GNB4: variants seen among roughly 807,000 people sequenced by gnomAD.
GNB4 encodes the protein G protein subunit beta 4.
In GNB4, 28 loss-of-function variants were observed where a neutral mutation model predicts 45.2. That is an observed-to-expected ratio of 0.62 (90% CI 0.46 to 0.85). GNB4 has a LOEUF of 0.85. Among genes scored for constraint, GNB4 ranks in the 40% least tolerant of loss-of-function variants. The probability of loss-of-function intolerance (pLI) is 0.00; values close to 1 mark genes in which losing one functional copy is unlikely to be tolerated. For missense variants in GNB4, 321 were observed against 425.4 expected, an observed-to-expected ratio of 0.75 and a Z score of 2.16; for synonymous variants, 132 against 143.7, an observed-to-expected ratio of 0.92 and a Z score of 0.58.
At chr3:179,455,948 C>T (rs897569491), upstream of GNB4, among the ~76,000 whole-genome samples, 3 of 152,148 alleles carry the variant, frequency 2.0e-5, no homozygotes, top group African/African-American at 7.2e-5. Flanking sequence ...CTTGGAATTC[C>T]TTGCATTAGA....
At chr3:179,490,734 G>A in the GNB4 span, among the ~76,000 whole-genome samples, 7 of 152,148 alleles carry the variant, frequency 4.6e-5, no homozygotes, top group African/African-American at 1.7e-4. Context: ...TAAGCCCCCG[G>A]CCAATTGCAT....
At chr3:179,522,476 C>T in the GNB4 span, among the ~76,000 whole-genome samples, 4 of 142,846 alleles carry the variant, frequency 2.8e-5, no homozygotes, top group African/African-American at 3.1e-5. Context: ...CGCACGGACG[C>T]GAGTGAAAGA....
intron 2 of GNB4, among the ~76,000 whole-genome samples, chr3:179,425,613 GGT>G (rs200292485): frequency 0.68 from 103,183 of 151,130 alleles, 35,405 homozygotes; most frequent in Admixed American, 0.77. Context: ...TGGGATTACA[GGT>G]GTGCACCACC....
intron 9 of GNB4, among the ~76,000 whole-genome samples, chr3:179,402,643 G>T (rs1017487791): frequency 2.6e-5 from 4 of 152,188 alleles, no homozygotes; most frequent in Admixed American, 6.5e-5. Flanking sequence ...TCGTAAGCTG[G>T]ATGGTGGCAA....
At chr3:179,524,242 G>A in the GNB4 span, among the ~76,000 whole-genome samples, 1 of 152,234 alleles carries the variant, frequency 6.6e-6, no homozygotes, top group Non-Finnish European at 1.5e-5. Context: ...AGAGGGCCTT[G>A]GGCCAGGGTT....
chr3:179,469,928 C>G, the GNB4 span, among the ~76,000 whole-genome samples: 1 of 152,198 alleles, frequency 6.6e-6, no homozygotes, highest in East Asian at 1.9e-4. Context: ...CTCAGTCTTA[C>G]GCAGCCATGT....
the GNB4 span, among the ~76,000 whole-genome samples, chr3:179,489,262 C>G: frequency 6.6e-6 from 1 of 151,350 alleles, no homozygotes; most frequent in Non-Finnish European, 1.5e-5. Context: ...TAAAATATAT[C>G]AATTCCACAA....
chr3:179,447,168 T>C (rs1234303826), intron 1 of GNB4, among the ~76,000 whole-genome samples: 1 of 151,890 alleles, frequency 6.6e-6, no homozygotes, highest in African/African-American at 2.4e-5. Context: ...TATGTCTTCA[T>C]TGGGAGAAAG....
the GNB4 span, among the ~76,000 whole-genome samples, chr3:179,462,701 G>C: frequency 6.6e-6 from 1 of 152,062 alleles, no homozygotes; most frequent in Non-Finnish European, 1.5e-5. Flanking sequence ...AGCTGGGTGT[G>C]GTGGCGCACC....
At chr3:179,448,032 C>A (rs1479181747) in intron 1 of GNB4, among the ~76,000 whole-genome samples, 4 of 152,314 alleles carry the variant, frequency 2.6e-5, no homozygotes, top group African/African-American at 9.6e-5. Context: ...TTTGGCAAGA[C>A]TGACATCCCT....
chr3:179,471,166 G>A, the GNB4 span, among the ~76,000 whole-genome samples: 3 of 124,058 alleles, frequency 2.4e-5, no homozygotes, highest in African/African-American at 9.6e-5. Context: ...GCAACAGAGC[G>A]AGACTCCGTC....
In GNB4 at chr3:179,416,513, C is replaced by T. The variant is rs1428897800; in HGVS notation, c.247G>A (p.Asp83Asn). ...ASQDGKLIIW[D>N]SYTTNKMHAI... ...TCTACCTTATTTGTTGTATAGCTAT[C>T]CCAAATAATTAATTTTCCATCTTGA... Residue 83 changes from aspartate to asparagine, a missense_variant, in exon 5 of 10, where the codon GAT becomes AAT. Coordinates refer to ENST00000232564, the MANE Select transcript of GNB4 (RefSeq NM_021629.4). The T allele has an allele frequency of 6.3e-7, 1 of 1,589,088 alleles. No individual in the cohort carries two copies. Among genetic ancestry groups the T allele is most frequent in the African/African-American group, 1.4e-5 (1 of 74,072 alleles).
chr3:179,503,672 A>G, the GNB4 span, among the ~76,000 whole-genome samples: 1,292 of 152,334 alleles, frequency 8.5e-3, 7 homozygotes, highest in Non-Finnish European at 0.013. Flanking sequence ...TGTTGGAAGC[A>G]TGATGTCACA....
At chr3:179,508,761 G>C in the GNB4 span, among the ~76,000 whole-genome samples, 3 of 151,472 alleles carry the variant, frequency 2.0e-5, no homozygotes, top group Non-Finnish European at 2.9e-5. Context: ...TTTGCTCAAT[G>C]GAATATATTC....
the GNB4 span, chr3:179,464,502 G>A: frequency 1.2e-6 from 2 of 1,611,778 alleles, no homozygotes; most frequent in Non-Finnish European, 8.5e-7. Context: ...CAAGCAGGAA[G>A]TGCGGCAGGA....
At chr3:179,506,716 T>G in the GNB4 span, among the ~76,000 whole-genome samples, 5 of 152,310 alleles carry the variant, frequency 3.3e-5, no homozygotes, top group African/African-American at 1.2e-4. Flanking sequence ...TCAGTTACTT[T>G]CTTCATGCTT....
At chr3:179,426,432 A>T (rs1255505578) in intron 1 of GNB4, among the ~76,000 whole-genome samples, 190 bp from the exon 2 acceptor site, 6 of 152,248 alleles carry the variant, frequency 3.9e-5, no homozygotes, top group Non-Finnish European at 7.3e-5. Context: ...GTATACAAGA[A>T]CATGATCAGA....
rs141700538 is a variant in GNB4, at chr3:179,410,102, A to G, written c.699+3310T>C. ...GCTGCCCTATGGAGAGGTGCCTTCCACCATGATTGTAAGTTTCCTGAGGCC... is the reference window on the plus strand; with the variant it reads ...GCTGCCCTATGGAGAGGTGCCTTCCGCCATGATTGTAAGTTTCCTGAGGCC... On this transcript the variant is annotated intron_variant, in intron 8 of 9. Transcript: ENST00000232564. 2.2e-3 allele frequency among the ~76,000 whole-genome samples: 330 copies of G among 152,214 alleles called. 1 individual carries two copies. Among genetic ancestry groups the G allele is most frequent in the African/African-American group, 7.5e-3 (312 of 41,540 alleles).
intron 1 of GNB4, among the ~76,000 whole-genome samples, chr3:179,427,015 ACACT>A (rs1243953202): frequency 6.6e-6 from 1 of 151,978 alleles, no homozygotes; most frequent in Non-Finnish European, 1.5e-5. Flanking sequence ...TATCACTCTC[ACACT>A]CACTCTGTTC....
Sources: allele counts gnomAD v4.1 joint callset (sites outside exome capture counted in the v4.1 genomes callset), GRCh38; gene constraint gnomAD v4.1.1; transcripts MANE v1.5; gene names NCBI Gene and HGNC (gene_info 2026-07-23, HGNC 2026-07-21).